The following C5orf52 variants were observed in gnomAD, a reference collection of about 807,000 sequenced individuals.
C5orf52 encodes chromosome 5 open reading frame 52.
C5orf52 carries 15 observed loss-of-function variants against 16.8 expected under a neutral mutation model. The observed-to-expected ratio is 0.89, with a 90% CI of 0.60 to 1.38. The LOEUF (loss-of-function observed/expected upper bound fraction) is 1.38. C5orf52 is among the 40% of genes most tolerant of loss of function. The probability of loss-of-function intolerance (pLI) is 0.00; values close to 1 mark genes in which losing one functional copy is unlikely to be tolerated. For synonymous variants in C5orf52, 83 were observed against 87.2 expected (o/e 0.95, Z 0.27); for missense variants, 206 against 213.1 (o/e 0.97, Z 0.21).
At chr5:157,671,308 G>C, upstream of C5orf52, 1 of 378,890 alleles carries the variant, frequency 2.6e-6, no homozygotes, top group South Asian at 5.7e-5. Flanking sequence ...ACGTCGAAGC[G>C]GAAAAGGTCT....
intron 2 of C5orf52, among the ~76,000 whole-genome samples, chr5:157,678,624 G>GT (rs975998261): frequency 4.0e-5 from 6 of 151,860 alleles, no homozygotes; most frequent in Non-Finnish European, 8.8e-5. Flanking sequence ...ACCCAGCTAG[G>GT]TTTTTTTTGT....
chr5:157,679,644 T>C (rs766509071), intron 2 of C5orf52, among the ~76,000 whole-genome samples, 197 bp from the exon 3 acceptor site: 36 of 152,162 alleles, frequency 2.4e-4, no homozygotes, highest in Non-Finnish European at 8.8e-5. Flanking sequence ...TCCTTGGAGT[T>C]ATCTAGCTTA....
intron 2 of C5orf52, among the ~76,000 whole-genome samples, chr5:157,679,094 A>C (rs938390221): frequency 1.3e-5 from 2 of 151,682 alleles, no homozygotes; most frequent in Non-Finnish European, 2.9e-5. Context: ...AGATCGCGCC[A>C]CTGCACTCCA....
chr5:157,679,757 C>A, intron 2 of C5orf52, 84 bp from the exon 3 acceptor site: 2 of 1,307,100 alleles, frequency 1.5e-6, no homozygotes, highest in Non-Finnish European at 2.1e-6. Flanking sequence ...CCATCAGTAG[C>A]ACAGATGTCT....
intron 1 of C5orf52, among the ~76,000 whole-genome samples, chr5:157,672,465 C>G (rs755345212): frequency 1.1e-4 from 17 of 152,218 alleles, no homozygotes; most frequent in Non-Finnish European, 2.1e-4. Context: ...TCTTCCCCTT[C>G]TAGTATTGGT....
intron 2 of C5orf52, among the ~76,000 whole-genome samples, chr5:157,676,871 C>CTTTTTTTTTT (rs35620575): frequency 2.1e-5 from 2 of 97,134 alleles, no homozygotes; most frequent in Non-Finnish European, 2.1e-5. Context: ...CTTTTTTTTT[C>CTTTTTTTTTT]TTTTTTTTTT....
intron 2 of C5orf52, among the ~76,000 whole-genome samples, chr5:157,676,714 G>A (rs1295332567): frequency 6.6e-6 from 1 of 152,158 alleles, no homozygotes; most frequent in African/African-American, 2.4e-5. Context: ...ACTAGTTCGA[G>A]CAAGATAGAG....
At chr5:157,676,059 G>A (rs567736500) in intron 2 of C5orf52, among the ~76,000 whole-genome samples, 1 of 152,086 alleles carries the variant, frequency 6.6e-6, no homozygotes, top group East Asian at 1.9e-4. Context: ...GGGTGCCCAG[G>A]GTTGAGCTGC....
At chr5:157,675,070 C>T in intron 1 of C5orf52, 22 bp from the exon 2 acceptor site, 1 of 1,504,032 alleles carries the variant, frequency 6.6e-7, no homozygotes, top group Non-Finnish European at 9.1e-7. Context: ...TAACCTGTGC[C>T]ACCTTTCCCT....
chr5:157,674,254 AAC>A (rs1388351744), intron 1 of C5orf52, among the ~76,000 whole-genome samples: 2 of 151,950 alleles, frequency 1.3e-5, no homozygotes, highest in African/African-American at 4.8e-5. Flanking sequence ...TAACCAGCCT[AAC>A]ACCTGTCCAA....
intron 1 of C5orf52, 72 bp downstream of exon 1, chr5:157,671,898 G>A (rs1263797325): frequency 7.5e-6 from 8 of 1,063,208 alleles, no homozygotes; most frequent in South Asian, 5.0e-5. Flanking sequence ...TTTGGGACTC[G>A]CGCTCCCCTT....
Position 157,671,748 on chromosome 5 carries a change from G to A in C5orf52, c.134G>A (p.Arg45His), listed in dbSNP as rs11740603. The A allele has an allele frequency of 3.3e-5, 51 of 1,550,784 alleles. No homozygotes were observed. In the African/African-American group the frequency reaches 5.2e-4, roughly 16 times the overall value. ...SNYQRDRLGR[R>H]PEIGVGGQPQ... ...TACCAGCGCGATAGACTCGGCCGCC[G>A]CCCAGAAATCGGCGTAGGGGGTCAG... Residue 45 changes from arginine (R) to histidine (H), a missense_variant, in exon 1 of 3, where the codon CGC (arginine) becomes CAC (histidine). By Grantham distance (29) the Arg-to-His change is conservative. Coordinates refer to ENST00000409999, the MANE Select transcript of C5orf52 (RefSeq NM_001145132.2).
At position 157,679,904 on chromosome 5, in the gene C5orf52, T is replaced by C. The variant is rs1166500879; in HGVS notation, c.385T>C (p.Phe129Leu). The C allele has an allele frequency of 1.9e-6, 3 of 1,551,312 alleles. No homozygotes were observed. The highest frequency in any genetic ancestry group is 1.4e-5 in the African/African-American group (1 of 72,896). The stretch of plus-strand genomic sequence containing the variant: ...CTACTATGAACACCTGAAAAAAAAG[T>C]TCATGACAGAGCAGCTCAGAAAGCT... ...SHYYEHLKKK[F>L]MTEQLRKLGR... Residue 129 changes from phenylalanine to leucine, a missense_variant, in exon 3 of 3, where the codon TTC becomes CTC. Coordinates refer to ENST00000409999, the MANE Select transcript of C5orf52 (RefSeq NM_001145132.2).
At chr5:157,673,443 A>G (rs1759834872) in intron 1 of C5orf52, among the ~76,000 whole-genome samples, 1 of 152,156 alleles carries the variant, frequency 6.6e-6, no homozygotes, top group South Asian at 2.1e-4. Context: ...CTTCATTCAT[A>G]TATAATATAT....
chr5:157,674,632 G>GT (rs1447429566), intron 1 of C5orf52, among the ~76,000 whole-genome samples: 1 of 152,150 alleles, frequency 6.6e-6, no homozygotes, highest in East Asian at 1.9e-4. Flanking sequence ...GCCAGGCATG[G>GT]TGGCGAGTGC....
In C5orf52 at chr5:157,671,812, G is replaced by C; in HGVS notation, c.198G>C (p.Gln66His). The change falls in exon 1 of 3, where the codon CAG (glutamine) becomes CAC (histidine). Residue 66 changes from glutamine (Q) to histidine (H), a missense_variant. Physicochemically the swap from Gln to His is conservative, Grantham distance 24. Coordinates refer to ENST00000409999, the MANE Select transcript of C5orf52 (RefSeq NM_001145132.2). Reference protein sequence around the residue: ...ICFPRPRSAQQPVLFSLMNSS... With the variant: ...ICFPRPRSAQHPVLFSLMNSS... ...TTCCGCGGCCGAGGTCCGCGCAGCA[G>C]CCGGTGCTGTTCAGGTGTGGCCCGC... The C allele has an allele frequency of 2.0e-6, 3 of 1,538,262 alleles. No individual in the cohort carries two copies. Among genetic ancestry groups the C allele is most frequent in the Non-Finnish European group, 2.6e-6 (3 of 1,140,146 alleles).
At chr5:157,678,715 C>A (rs1759953593) in intron 2 of C5orf52, among the ~76,000 whole-genome samples, 1 of 152,128 alleles carries the variant, frequency 6.6e-6, no homozygotes, top group African/African-American at 2.4e-5. Flanking sequence ...CCTGCCTTGG[C>A]CCCCCAAAGT....
intron 1 of C5orf52, among the ~76,000 whole-genome samples, chr5:157,672,310 C>T (rs1162254911): frequency 1.3e-5 from 2 of 152,114 alleles, no homozygotes; most frequent in Admixed American, 1.3e-4. Flanking sequence ...TCACAAACCC[C>T]AATTACCCGC....
chr5:157,672,715 C>T (rs1456116806), intron 1 of C5orf52, among the ~76,000 whole-genome samples: 1 of 152,082 alleles, frequency 6.6e-6, no homozygotes, highest in Non-Finnish European at 1.5e-5. Context: ...AATCTAAAAA[C>T]ATACACGACA....
Sources: gnomAD v4.1 joint callset for allele counts (sites outside exome capture counted in the v4.1 genomes callset) on GRCh38, gnomAD v4.1.1 for gene constraint, MANE v1.5 for transcripts, NCBI Gene and HGNC (gene_info 2026-07-23, HGNC 2026-07-21) for gene names.